The following KHDRBS2 variants were observed in gnomAD, a reference collection of about 807,000 sequenced individuals.
The protein encoded by KHDRBS2 is KH domain-containing, RNA-binding, signal transduction-associated protein 2.
KHDRBS2 carries 26 observed loss-of-function variants against 44.3 expected under a neutral mutation model. The observed-to-expected ratio is 0.59, with a 90% CI of 0.43 to 0.81. KHDRBS2 has a LOEUF of 0.81. Ranked by LOEUF, KHDRBS2 falls within the 40% of genes least tolerant of loss-of-function variation. The pLI, the probability that KHDRBS2 is intolerant of heterozygous loss-of-function variation, is 0.00. For synonymous variants in KHDRBS2, 194 were observed against 151.1 expected (o/e 1.28, Z -2.08); for missense variants, 476 against 433.1 (o/e 1.10, Z -0.88).
intron 6 of KHDRBS2, among the ~76,000 whole-genome samples, chr6:61,753,701 C>T (rs2127569762): frequency 6.6e-6 from 1 of 152,264 alleles, no homozygotes; most frequent in Middle Eastern, 3.4e-3. Flanking sequence ...CTACCCACAT[C>T]TACAATTAAT....
At chr6:61,847,900 T>G (rs1331601397) in intron 6 of KHDRBS2, among the ~76,000 whole-genome samples, 2 of 133,724 alleles carry the variant, frequency 1.5e-5, no homozygotes, top group Non-Finnish European at 3.2e-5. Context: ...AATAAAGACT[T>G]TAAAATGATT....
chr6:62,232,449 A>G (rs1469413950), intron 1 of KHDRBS2, among the ~76,000 whole-genome samples: 3 of 152,166 alleles, frequency 2.0e-5, no homozygotes, highest in African/African-American at 4.8e-5. Flanking sequence ...TCATTGCTCA[A>G]TTATGGAATA....
chr6:61,896,241 C>T (rs543056052), intron 5 of KHDRBS2, among the ~76,000 whole-genome samples: 14 of 152,148 alleles, frequency 9.2e-5, no homozygotes, highest in Non-Finnish European at 1.6e-4. Flanking sequence ...TCCTAGCTTC[C>T]TGTTCAGTTT....
At chr6:61,987,148 C>T (rs1396553121) in intron 3 of KHDRBS2, among the ~76,000 whole-genome samples, 1 of 152,148 alleles carries the variant, frequency 6.6e-6, no homozygotes, top group Non-Finnish European at 1.5e-5. Context: ...GCAAGTGACT[C>T]CACTATTTCA....
the KHDRBS2 span, among the ~76,000 whole-genome samples, chr6:61,549,506 A>T: frequency 2.0e-5 from 3 of 152,170 alleles, no homozygotes; most frequent in African/African-American, 7.2e-5. Context: ...AGGAATAATT[A>T]TATTTTCCAA....
At chr6:62,141,254 G>A (rs1322063257) in intron 2 of KHDRBS2, among the ~76,000 whole-genome samples, 1 of 152,160 alleles carries the variant, frequency 6.6e-6, no homozygotes, top group Non-Finnish European at 1.5e-5. Flanking sequence ...ACAGCAGCTA[G>A]ATGTATGCTT....
chr6:62,038,846 T>C (rs1205609964), intron 3 of KHDRBS2, among the ~76,000 whole-genome samples: 5 of 152,052 alleles, frequency 3.3e-5, no homozygotes, highest in African/African-American at 1.2e-4. Flanking sequence ...GCATCAAAGA[T>C]TTTTCTAAGA....
chr6:62,139,693 G>T lies in KHDRBS2; in HGVS notation c.219+37492C>A, dbSNP rs191382934. 2.5e-3 allele frequency among the ~76,000 whole-genome samples: 375 copies of T among 152,172 alleles called. 3 individuals carry two copies. Among genetic ancestry groups the T allele is most frequent in the African/African-American group, 8.3e-3 (343 of 41,520 alleles). On this transcript the variant is annotated intron_variant, in intron 2 of 8. Transcript: ENST00000281156. The stretch of plus-strand genomic sequence containing the variant: ...TCACATTATATAACACCCTCTCCAG[G>T]ACAATATACACTTAATCTGAGCTAT...
intron 1 of KHDRBS2, among the ~76,000 whole-genome samples, chr6:62,218,612 CAG>C (rs1375184398): frequency 6.6e-6 from 1 of 151,732 alleles, no homozygotes; most frequent in Non-Finnish European, 1.5e-5. Context: ...TAAAATCAAA[CAG>C]AATTTCCAGA....
At chr6:62,051,716 C>A (rs1789094727) in intron 2 of KHDRBS2, among the ~76,000 whole-genome samples, 1 of 151,878 alleles carries the variant, frequency 6.6e-6, no homozygotes, top group Admixed American at 6.6e-5. Context: ...GGATTGGGAA[C>A]AAAAGATATT....
chr6:61,558,752 C>T, the KHDRBS2 span, among the ~76,000 whole-genome samples: 4 of 151,904 alleles, frequency 2.6e-5, no homozygotes, highest in Non-Finnish European at 4.4e-5. Context: ...GCTGATTTCT[C>T]GTATTATTTT....
intron 3 of KHDRBS2, among the ~76,000 whole-genome samples, chr6:62,008,462 A>T (rs1415366043): frequency 6.6e-6 from 1 of 152,226 alleles, no homozygotes; most frequent in East Asian, 1.9e-4. Context: ...ATAGTTAACT[A>T]TGATGGCTAT....
intron 8 of KHDRBS2, among the ~76,000 whole-genome samples, chr6:61,696,370 C>G (rs540044020): frequency 6.6e-6 from 1 of 152,100 alleles, no homozygotes; most frequent in South Asian, 2.1e-4. Context: ...ATTCTCTTGC[C>G]TCAGCCTCCC....
intron 1 of KHDRBS2, among the ~76,000 whole-genome samples, chr6:62,279,816 T>C (rs974939668): frequency 6.6e-6 from 1 of 152,186 alleles, no homozygotes; most frequent in Non-Finnish European, 1.5e-5. Context: ...GCAAGTGTTA[T>C]TCACATGCGG....
chr6:61,939,182 C>T (rs1811628771), intron 4 of KHDRBS2, among the ~76,000 whole-genome samples: 1 of 152,130 alleles, frequency 6.6e-6, no homozygotes, highest in African/African-American at 2.4e-5. Context: ...ATCTAATACA[C>T]ATCGATGTAA....
intron 6 of KHDRBS2, among the ~76,000 whole-genome samples, chr6:61,859,232 C>T (rs1796569274): frequency 6.6e-6 from 1 of 151,780 alleles, no homozygotes; most frequent in African/African-American, 2.4e-5. Flanking sequence ...CCAAGTTTTT[C>T]CTCAGAGTCT....
At chr6:62,135,083 G>A (rs563545129) in intron 2 of KHDRBS2, among the ~76,000 whole-genome samples, 19 of 152,270 alleles carry the variant, frequency 1.2e-4, no homozygotes, top group Admixed American at 2.0e-4. Context: ...GGTGCAGAAT[G>A]ATATGGTTTG....
chr6:61,959,709 A>C (rs918399024), intron 4 of KHDRBS2, among the ~76,000 whole-genome samples: 1 of 152,172 alleles, frequency 6.6e-6, no homozygotes, highest in Admixed American at 6.6e-5. Flanking sequence ...TTATGGGTTA[A>C]GTTATGGGTT....
At chr6:62,156,499 T>C (rs927358241) in intron 2 of KHDRBS2, among the ~76,000 whole-genome samples, 3 of 152,168 alleles carry the variant, frequency 2.0e-5, no homozygotes, top group African/African-American at 7.2e-5. Context: ...AACTATAAAA[T>C]AAAAACTTTT....
Sources: allele counts gnomAD v4.1 joint callset (sites outside exome capture counted in the v4.1 genomes callset), GRCh38; gene constraint gnomAD v4.1.1; transcripts MANE v1.5; gene names NCBI Gene and HGNC (gene_info 2026-07-23, HGNC 2026-07-21).